The following BCCIP variants were observed in gnomAD, a reference collection of about 807,000 sequenced individuals.
BCCIP encodes the protein BRCA2 and CDKN1A-interacting protein.
In BCCIP, 23 loss-of-function variants were observed where a neutral mutation model predicts 32.8. The ratio of observed to expected loss-of-function variants is 0.70; its 90% CI spans 0.51 to 0.99. BCCIP has a LOEUF of 0.99. BCCIP is among the 50% of genes least tolerant of loss of function. The probability of loss-of-function intolerance (pLI) is 0.00; values close to 1 mark genes in which losing one functional copy is unlikely to be tolerated. For synonymous variants in BCCIP, 144 were observed against 137.6 expected, an observed-to-expected ratio of 1.05 and a Z score of -0.33; for missense variants, 378 against 379.8, an observed-to-expected ratio of 1.00 and a Z score of 0.04.
downstream of BCCIP, chr10:125,839,311 G>C: frequency 1.1e-6 from 1 of 948,734 alleles, no homozygotes; most frequent in Non-Finnish European, 1.5e-6. Flanking sequence ...GGCCACGTAG[G>C]TGAGTGGCAG....
intron 7 of BCCIP, among the ~76,000 whole-genome samples, chr10:125,851,267 C>T (rs954045708): frequency 2.0e-5 from 3 of 152,200 alleles, no homozygotes; most frequent in African/African-American, 7.2e-5. Context: ...ATATTTTCCC[C>T]AAGCACAGCA....
In BCCIP at chr10:125,827,626, G is replaced by A. The variant is rs144354800; in HGVS notation, c.309G>A (p.Gly103=). The change falls in exon 3 of 7, where the codon GGG becomes GGA. Residue 103 remains glycine, a synonymous_variant. Transcript: ENST00000278100. ...TCTTAATTCAACAGAACCATATTGG[G>A]AGTGTGATTAAGGTAAGTAGGATAA... is the stretch of plus-strand genomic sequence containing the variant. ...TDLLIQQNHI[G]SVIKQTDVSE... 106 of 1,606,946 alleles carry A rather than the reference G, an allele frequency of 6.6e-5. No individual in the cohort carries two copies. The African/African-American group carries it at 1.2e-3, about 19-fold the overall frequency.
At chr10:125,838,242 T>C (rs1334799546), downstream of BCCIP, 2 of 1,612,228 alleles carry the variant, frequency 1.2e-6, no homozygotes, top group Non-Finnish European at 8.5e-7. Flanking sequence ...CCTGATGTAG[T>C]TGTTCTCAGA....
intron 1 of BCCIP, chr10:125,825,736 A>G (rs1244053588): frequency 6.6e-6 from 1 of 152,240 alleles, no homozygotes. Context: ...TTATTTCATC[A>G]GAGCCCCAGG....
downstream of BCCIP, chr10:125,839,026 G>T: frequency 6.2e-7 from 1 of 1,614,110 alleles, no homozygotes; most frequent in Non-Finnish European, 8.5e-7. Context: ...GGACAGAAGA[G>T]CTTTCTTTAT....
At chr10:125,830,450 G>A in intron 3 of BCCIP, 112 bp from the exon 4 acceptor site, 1 of 577,670 alleles carries the variant, frequency 1.7e-6, no homozygotes, top group Non-Finnish European at 2.8e-6. Flanking sequence ...GTAAAACAAA[G>A]TTTTGCTTTT....
intron 1 of BCCIP, among the ~76,000 whole-genome samples, chr10:125,825,141 C>T (rs556420380): frequency 1.3e-5 from 2 of 152,336 alleles, no homozygotes; most frequent in African/African-American, 2.4e-5. Context: ...GGAAATCTAT[C>T]ACACCACCAC....
At position 125,823,561 on chromosome 10, in the gene BCCIP, G is replaced by A. The variant is rs1854228363; in HGVS notation, c.4G>A (p.Ala2Thr). The stretch of plus-strand genomic sequence containing the variant: ...CAGGCGCAGTGTGAGCGGCAACATG[G>A]CGTCCAGGTCTAAGCGGCGTGCCGT... Reference protein sequence around the residue: MASRSKRRAVES... With the variant: MTSRSKRRAVES... The change falls in exon 1 of 7, where the codon GCG becomes ACG. Residue 2 changes from alanine (A) to threonine (T), a missense_variant. Physicochemically the swap from Ala to Thr is moderately conservative, Grantham distance 58. Transcript: ENST00000278100. The A allele has an allele frequency of 3.7e-6, 6 of 1,613,660 alleles. No individual in the cohort carries two copies. The highest frequency in any genetic ancestry group is 1.7e-5 in the Admixed American group (1 of 60,014).
downstream of BCCIP, chr10:125,838,380 C>T (rs781191427): frequency 6.4e-6 from 10 of 1,568,996 alleles, no homozygotes; most frequent in Admixed American, 6.1e-5. Flanking sequence ...ATCAACATCC[C>T]GAGCAATCTG....
intron 6 of BCCIP, among the ~76,000 whole-genome samples, chr10:125,834,400 G>A (rs1197554649): frequency 6.6e-6 from 1 of 152,274 alleles, no homozygotes; most frequent in East Asian, 1.9e-4. Context: ...AGTCGTGGAT[G>A]TCATCCTGCT....
rs1184779839 is a variant in BCCIP at position 125,836,081 on chromosome 10, TC to T, written c.775-22del. On this transcript the variant is annotated intron_variant, in intron 6 of 6. Coordinates refer to ENST00000278100, the MANE Select transcript of BCCIP (RefSeq NM_078468.3). ...TCTTTGGGTTGTCCCGATTTTTAATTCATGGTTACTTATTTGGTTTAGAAGG... is the reference window on the plus strand; with the variant it reads ...TCTTTGGGTTGTCCCGATTTTTAATTATGGTTACTTATTTGGTTTAGAAGG... The T allele has an allele frequency of 2.5e-6, 4 of 1,589,454 alleles. No individual in the cohort carries two copies. The South Asian group carries it at 4.4e-5, about 18-fold the overall frequency.
chr10:125,841,884 G>T (rs1017977519), exon 7 of BCCIP: 1 of 1,611,088 alleles, frequency 6.2e-7, no homozygotes, highest in African/African-American at 1.3e-5. Flanking sequence ...TCATTATCCA[G>T]TGCTGCCAGA....
intron 1 of BCCIP, among the ~76,000 whole-genome samples, chr10:125,825,337 C>T (rs1854364822): frequency 6.6e-6 from 1 of 152,062 alleles, no homozygotes; most frequent in African/African-American, 2.4e-5. Context: ...AGATGTCTGT[C>T]TAGACAAAGA....
chr10:125,841,514 G>C (rs1300969824), downstream of BCCIP: 4 of 1,433,348 alleles, frequency 2.8e-6, no homozygotes, highest in Non-Finnish European at 3.6e-6. Context: ...TACATCTGAT[G>C]TATAAATTTG....
At chr10:125,850,134 T>TAAA (rs371549545) in intron 7 of BCCIP, among the ~76,000 whole-genome samples, 9 of 133,540 alleles carry the variant, frequency 6.7e-5, no homozygotes, top group Non-Finnish European at 9.5e-5. Flanking sequence ...CCTGGCTCAT[T>TAAA]AAAAAAAAAA....
exon 7 of BCCIP, chr10:125,841,636 C>T (rs928142683): frequency 6.7e-7 from 1 of 1,493,068 alleles, no homozygotes; most frequent in Non-Finnish European, 8.8e-7. Flanking sequence ...GAGTTGATCA[C>T]TATCTCTGCT....
At chr10:125,847,929 C>T (rs1257632341) in intron 7 of BCCIP, among the ~76,000 whole-genome samples, 1 of 152,194 alleles carries the variant, frequency 6.6e-6, no homozygotes, top group East Asian at 1.9e-4. Flanking sequence ...GTAATGCTCG[C>T]TTGCCCCCCA....
At chr10:125,846,115 T>C (rs935889590), downstream of BCCIP, among the ~76,000 whole-genome samples, 1 of 152,200 alleles carries the variant, frequency 6.6e-6, no homozygotes, top group African/African-American at 2.4e-5. Flanking sequence ...CTAGTCAGTA[T>C]TCCTCAAGCG....
rs199996010 is a variant in BCCIP at position 125,831,403 on chromosome 10, T to G, written c.412-17T>G. The stretch of plus-strand genomic sequence containing the variant: ...GATGGCTTGTAATAGGAAACAAGCT[T>G]TCTCTTTGCTTTCTAGGGTACCCAG... On this transcript the variant is annotated splice_polypyrimidine_tract_variant and intron_variant, in intron 4 of 6. Coordinates refer to ENST00000278100, the MANE Select transcript of BCCIP (RefSeq NM_078468.3). The G allele has an allele frequency of 6.2e-7, 1 of 1,607,076 alleles. No homozygotes were observed. Among genetic ancestry groups the G allele is most frequent in the East Asian group, 2.2e-5 (1 of 44,784 alleles).
Sources: gnomAD v4.1 joint callset for allele counts (sites outside exome capture counted in the v4.1 genomes callset) on GRCh38, gnomAD v4.1.1 for gene constraint, MANE v1.5 for transcripts, NCBI Gene and HGNC (gene_info 2026-07-23, HGNC 2026-07-21) for gene names.